The following SEC24D variants were observed in gnomAD, a reference collection of about 807,000 sequenced individuals.
SEC24D encodes protein transport protein Sec24D.
Under a neutral mutation model 116.9 loss-of-function variants are expected in SEC24D, and 69 were observed. The ratio of observed to expected loss-of-function variants is 0.59; its 90% CI spans 0.49 to 0.72. The LOEUF (loss-of-function observed/expected upper bound fraction) is 0.72, where lower values mean the gene tolerates loss of function less well. Ranked by LOEUF, SEC24D falls within the 30% of genes least tolerant of loss-of-function variation. The probability of loss-of-function intolerance (pLI) is 0.00; values close to 1 mark genes in which losing one functional copy is unlikely to be tolerated. For synonymous variants in SEC24D, 405 were observed against 442.8 expected, an observed-to-expected ratio of 0.91 and a Z score of 1.07; for missense variants, 1,131 against 1,264.1, an observed-to-expected ratio of 0.89 and a Z score of 1.60.
chr4:118,807,305 T>C (rs1256573556), intron 6 of SEC24D, among the ~76,000 whole-genome samples: 2 of 152,212 alleles, frequency 1.3e-5, no homozygotes, highest in Non-Finnish European at 2.9e-5. Context: ...ACAATTGTTA[T>C]TGATGAAGAA....
chr4:118,734,804 T>C (rs35392662), intron 19 of SEC24D, among the ~76,000 whole-genome samples: 44,057 of 152,022 alleles, frequency 0.29, 7,215 homozygotes, highest in Non-Finnish European at 0.37. Flanking sequence ...AGTAGAACAC[T>C]CTCTTCTAAT....
chr4:118,793,557 T>C (rs536185447), intron 8 of SEC24D, among the ~76,000 whole-genome samples: 1 of 146,416 alleles, frequency 6.8e-6, no homozygotes, highest in African/African-American at 2.6e-5. Flanking sequence ...AGAGCAGCAA[T>C]AATTCCCTAA....
At chr4:118,768,411 T>TTG in intron 8 of SEC24D, 100 bp from the exon 9 acceptor site, 1 of 971,192 alleles carries the variant, frequency 1.0e-6, no homozygotes, top group Non-Finnish European at 1.5e-6. Context: ...TTTTTTTTTT[T>TTG]TGAGACAGAG....
chr4:118,819,692 T>C (rs866310416), intron 3 of SEC24D, among the ~76,000 whole-genome samples: 34 of 152,136 alleles, frequency 2.2e-4, no homozygotes, highest in African/African-American at 7.5e-4. Flanking sequence ...TGCATTTATA[T>C]GGAGAAAAAA....
At chr4:118,783,941 G>A (rs139894684) in intron 8 of SEC24D, among the ~76,000 whole-genome samples, 51 of 152,354 alleles carry the variant, frequency 3.3e-4, no homozygotes, top group Non-Finnish European at 6.6e-4. Flanking sequence ...AGTGGTTCAT[G>A]CCTGTAATAC....
At chr4:118,814,969 G>A in intron 6 of SEC24D, 59 bp downstream of exon 6, 2 of 1,567,414 alleles carry the variant, frequency 1.3e-6, no homozygotes, top group Non-Finnish European at 1.7e-6. Context: ...CTGATGAGTT[G>A]CTGAGAAAAA....
chr4:118,753,024 AC>A, intron 11 of SEC24D, 136 bp from the exon 12 acceptor site: 1 of 625,288 alleles, frequency 1.6e-6, no homozygotes, highest in South Asian at 2.8e-5. Flanking sequence ...ACTTTCTGTT[AC>A]CAAGTGTAAA....
intron 7 of SEC24D, among the ~76,000 whole-genome samples, chr4:118,803,367 C>G (rs1729534175): frequency 6.6e-6 from 1 of 152,210 alleles, no homozygotes. Flanking sequence ...CTCTCTCCCA[C>G]TACCGTACTT....
intron 3 of SEC24D, among the ~76,000 whole-genome samples, chr4:118,820,177 A>ATTTTT (rs748302677): frequency 2.4e-5 from 3 of 127,466 alleles, no homozygotes; most frequent in Non-Finnish European, 3.6e-5. Flanking sequence ...AATTAGTTTA[A>ATTTTT]TTTTTTTTTT....
intron 13 of SEC24D, among the ~76,000 whole-genome samples, chr4:118,745,360 C>T (rs915724781): frequency 6.6e-6 from 1 of 152,080 alleles, no homozygotes; most frequent in African/African-American, 2.4e-5. Context: ...TGATGTGTTA[C>T]GACGAAATAC....
chr4:118,827,443 A>C (rs1174276488), intron 2 of SEC24D, among the ~76,000 whole-genome samples: 3 of 152,148 alleles, frequency 2.0e-5, no homozygotes, highest in Admixed American at 6.5e-5. Context: ...GACACCCCCC[A>C]CCAAAAAAAA....
rs570994403 is a variant in SEC24D at position 118,729,538 on chromosome 4, G to T, written c.2869-888C>A. 18 of 152,272 alleles carry T rather than the reference G, an allele frequency of 1.2e-4. 1 individual carries two copies. The highest frequency in any genetic ancestry group is 3.9e-4 in the African/African-American group (16 of 41,556). The allele number at this position is 152,272 out of a possible 1,614,324, so 9.4% of individuals were successfully genotyped here. On this transcript the variant is annotated intron_variant, in intron 21 of 22. Coordinates refer to ENST00000280551, the MANE Select transcript of SEC24D (RefSeq NM_014822.4). ...ATTCCATCCAAGTACTACTGTTCCG[G>T]CATTAAAACAAACTACCAAATGTTG...
chr4:118,777,621 T>C (rs1258541548), intron 8 of SEC24D, among the ~76,000 whole-genome samples: 11 of 152,238 alleles, frequency 7.2e-5, no homozygotes, highest in African/African-American at 2.7e-4. Context: ...TTTGGGTATA[T>C]ACCCAGTAAT....
intron 8 of SEC24D, among the ~76,000 whole-genome samples, chr4:118,784,268 A>T (rs1728560129): frequency 6.6e-6 from 1 of 152,234 alleles, no homozygotes; most frequent in Admixed American, 6.5e-5. Flanking sequence ...ATACATTTAT[A>T]TATTTATTCT....
Position 118,736,721 on chromosome 4 carries a change from T to A in SEC24D, c.2496+1540A>T, listed in dbSNP as rs185226783. 3.3e-5 allele frequency among the ~76,000 whole-genome samples: 5 copies of A among 152,312 alleles called. No homozygotes were observed. The East Asian group carries it at 7.7e-4, about 24-fold the overall frequency. On this transcript the variant is annotated intron_variant, in intron 19 of 22. Transcript: ENST00000280551. ...AAGGTACTTAAGTTACATTATTTTT[T>A]AAAAACATATCATTGGTTGAAAGGC...
At chr4:118,732,612 G>T in intron 20 of SEC24D, 121 bp downstream of exon 20, 1 of 912,906 alleles carries the variant, frequency 1.1e-6, no homozygotes, top group Non-Finnish European at 1.7e-6. Flanking sequence ...TATTTTGAAG[G>T]CATTTGTGAC....
intron 8 of SEC24D, among the ~76,000 whole-genome samples, chr4:118,790,631 G>A (rs1728854102): frequency 6.6e-6 from 1 of 151,792 alleles, no homozygotes; most frequent in Non-Finnish European, 1.5e-5. Context: ...TTTAAACAGT[G>A]ACAACATAGA....
chr4:118,797,766 G>A lies in SEC24D; in HGVS notation c.958C>T (p.Pro320Ser). The A allele has an allele frequency of 2.5e-6, 4 of 1,611,390 alleles. No homozygotes were observed. The South Asian group carries it at 4.4e-5, about 18-fold the overall frequency. ...RFIRCTTYCF[P>S]CTSDMAKQAQ... ...TGCTTAGCCATATCTGACGTGCATG[G>A]AAAACAGTATGTTGTACAACGGATG... Residue 320 changes from proline (P) to serine (S), a missense_variant, in exon 8 of 23, where the codon CCA (proline) becomes TCA (serine). Transcript: ENST00000280551.
intron 2 of SEC24D, among the ~76,000 whole-genome samples, chr4:118,825,131 T>C (rs1310786254): frequency 2.0e-5 from 3 of 152,202 alleles, no homozygotes; most frequent in African/African-American, 2.4e-5. Flanking sequence ...GGAAGGGTCA[T>C]GGTAAAGCAT....
Sources: gnomAD v4.1 joint callset for allele counts (sites outside exome capture counted in the v4.1 genomes callset) on GRCh38, gnomAD v4.1.1 for gene constraint, MANE v1.5 for transcripts, NCBI Gene and HGNC (gene_info 2026-07-23, HGNC 2026-07-21) for gene names.